Variants in GPR137C observed in about 807,000 individuals in gnomAD.
GPR137C encodes G protein-coupled receptor 137C, also known as integral membrane protein GPR137C.
A neutral mutation model predicts 43.4 loss-of-function variants in GPR137C; 27 were observed. That is an observed-to-expected ratio of 0.62 (90% CI 0.46 to 0.86). GPR137C has a LOEUF of 0.86. GPR137C is among the 40% of genes least tolerant of loss of function. GPR137C has a pLI of 0.00. For synonymous variants in GPR137C, 285 were observed against 226.9 expected, an observed-to-expected ratio of 1.26 and a Z score of -2.30; for missense variants, 522 against 534.6, an observed-to-expected ratio of 0.98 and a Z score of 0.23.
intron 1 of GPR137C, among the ~76,000 whole-genome samples, chr14:52,571,773 A>C (rs1262446027): frequency 6.6e-6 from 1 of 152,242 alleles, no homozygotes; most frequent in Non-Finnish European, 1.5e-5. Flanking sequence ...AAGGAGATAG[A>C]GATACGAAAA....
chr14:52,623,767 T>C (rs2039188474), intron 3 of GPR137C, among the ~76,000 whole-genome samples: 1 of 152,184 alleles, frequency 6.6e-6, no homozygotes, highest in Admixed American at 6.5e-5. Flanking sequence ...TGTCTATCAC[T>C]TTCATCTTTC....
intron 1 of GPR137C, among the ~76,000 whole-genome samples, chr14:52,573,562 A>C (rs1392920681): frequency 6.6e-6 from 1 of 152,214 alleles, no homozygotes; most frequent in East Asian, 1.9e-4. Flanking sequence ...CACCTTATAC[A>C]AAAATTAACT....
chr14:52,606,723 T>A (rs557716343), intron 3 of GPR137C, among the ~76,000 whole-genome samples: 3 of 152,338 alleles, frequency 2.0e-5, no homozygotes, highest in African/African-American at 4.8e-5. Context: ...GTTTGTTGAT[T>A]TATTTTTTCA....
rs535713082 is a variant in GPR137C at position 52,561,009 on chromosome 14, A to T, written c.444+7418A>T. 4.6e-5 allele frequency among the ~76,000 whole-genome samples: 7 copies of T among 152,356 alleles called. No homozygotes were observed. The South Asian group carries it at 1.5e-3, about 32-fold the overall frequency. ...CATAAAGAACTTATAACTCAATAAGAAAATCCAGTAAAAATGAACAAAGGA... is the reference window on the plus strand; with the variant it reads ...CATAAAGAACTTATAACTCAATAAGTAAATCCAGTAAAAATGAACAAAGGA... On this transcript the variant is annotated intron_variant, in intron 1 of 6. Coordinates refer to ENST00000321662, the MANE Select transcript of GPR137C (RefSeq NM_001099652.2).
chr14:52,585,886 G>C (rs898161770), intron 1 of GPR137C, among the ~76,000 whole-genome samples: 9 of 152,080 alleles, frequency 5.9e-5, no homozygotes, highest in Non-Finnish European at 8.8e-5. Context: ...CAGAGTGAAA[G>C]ACCGTTTATC....
chr14:52,599,827 A>T (rs17125581), intron 2 of GPR137C, among the ~76,000 whole-genome samples: 15,894 of 152,256 alleles, frequency 0.1, 1,153 homozygotes, highest in East Asian at 0.36. Context: ...TAAAAGCCTG[A>T]TAATTCTTGG....
chr14:52,617,740 T>C (rs2039115709), intron 3 of GPR137C, among the ~76,000 whole-genome samples: 1 of 152,084 alleles, frequency 6.6e-6, no homozygotes, highest in Admixed American at 6.6e-5. Flanking sequence ...AGGATGTAAA[T>C]CCCAGCTCTA....
intron 3 of GPR137C, among the ~76,000 whole-genome samples, chr14:52,628,057 G>A (rs1410280534): frequency 1.3e-5 from 2 of 152,136 alleles, no homozygotes; most frequent in Non-Finnish European, 2.9e-5. Flanking sequence ...GTGTTGAACA[G>A]TGCAGAAAGT....
chr14:52,621,573 T>C (rs1251790264), intron 3 of GPR137C, among the ~76,000 whole-genome samples: 3 of 151,826 alleles, frequency 2.0e-5, no homozygotes, highest in Non-Finnish European at 4.4e-5. Context: ...TATTGTGAGG[T>C]TTACATATGT....
At chr14:52,586,000 A>C (rs2038708949) in intron 1 of GPR137C, among the ~76,000 whole-genome samples, 1 of 152,214 alleles carries the variant, frequency 6.6e-6, no homozygotes, top group African/African-American at 2.4e-5. Flanking sequence ...CTGCGCATGC[A>C]GTGGGGAATG....
chr14:52,570,166 C>T (rs1440675471), intron 1 of GPR137C, among the ~76,000 whole-genome samples: 1 of 152,162 alleles, frequency 6.6e-6, no homozygotes, highest in African/African-American at 2.4e-5. Context: ...ACCCTATAAG[C>T]CAGAAGAGAG....
At chr14:52,567,499 C>T (rs1292684764) in intron 1 of GPR137C, among the ~76,000 whole-genome samples, 1 of 152,056 alleles carries the variant, frequency 6.6e-6, no homozygotes, top group Non-Finnish European at 1.5e-5. Context: ...GTATTCTCAC[C>T]TTTTAGGTCA....
At position 52,635,702 on chromosome 14, in the gene GPR137C, T is replaced by C. The variant is rs1473830149; in HGVS notation, c.*587T>C. On this transcript the variant is annotated 3_prime_UTR_variant, in exon 7 of 7. Coordinates refer to ENST00000321662, the MANE Select transcript of GPR137C (RefSeq NM_001099652.2). The stretch of plus-strand genomic sequence containing the variant: ...AAATTCAATCATTTTAAACAAATGA[T>C]GGTAGTAATCCATTAGTTATGGCCA... 6.6e-6 allele frequency: 1 copy of C among 152,188 alleles called. No homozygotes were observed. The highest frequency in any genetic ancestry group is 2.4e-5 in the African/African-American group (1 of 41,458). The allele number at this position is 152,188 out of a possible 1,614,324, so 9.4% of individuals were successfully genotyped here. A position where few individuals can be genotyped will look rare whatever the true frequency, so the allele number is the denominator to read the frequency against.
chr14:52,595,273 G>C (rs889124893), intron 1 of GPR137C, among the ~76,000 whole-genome samples: 1 of 152,068 alleles, frequency 6.6e-6, no homozygotes, highest in Non-Finnish European at 1.5e-5. Context: ...TTTCAACCTT[G>C]GTGAATCTGA....
chr14:52,558,792 T>C (rs2038234196), intron 1 of GPR137C, among the ~76,000 whole-genome samples: 1 of 152,108 alleles, frequency 6.6e-6, no homozygotes, highest in African/African-American at 2.4e-5. Context: ...CTGAAATGGA[T>C]GGTTAAACAG....
At chr14:52,601,525 G>A (rs2038925623) in intron 3 of GPR137C, among the ~76,000 whole-genome samples, 1 of 150,736 alleles carries the variant, frequency 6.6e-6, no homozygotes, top group East Asian at 1.9e-4. Context: ...GAGAGAGAGA[G>A]AAGAGAAGAG....
chr14:52,563,668 G>T (rs1480257626), intron 1 of GPR137C, among the ~76,000 whole-genome samples: 1 of 151,972 alleles, frequency 6.6e-6, no homozygotes, highest in Non-Finnish European at 1.5e-5. Context: ...ACACAACTTG[G>T]TTCTCCTCTT....
intron 3 of GPR137C, among the ~76,000 whole-genome samples, chr14:52,615,720 G>A (rs938864260): frequency 1.3e-5 from 2 of 152,018 alleles, no homozygotes; most frequent in African/African-American, 4.8e-5. Flanking sequence ...TTTTATTTGT[G>A]GCTATTATAA....
chr14:52,561,755 T>A (rs887746711), intron 1 of GPR137C, among the ~76,000 whole-genome samples: 1 of 152,186 alleles, frequency 6.6e-6, no homozygotes, highest in African/African-American at 2.4e-5. Context: ...TTCATTTATA[T>A]TAAATTTTAG....
Sources: gnomAD v4.1 joint callset for allele counts (sites outside exome capture counted in the v4.1 genomes callset) on GRCh38, gnomAD v4.1.1 for gene constraint, MANE v1.5 for transcripts, NCBI Gene and HGNC (gene_info 2026-07-23, HGNC 2026-07-21) for gene names.